TAFA5: variants seen among roughly 807,000 people sequenced by gnomAD.
TAFA5 encodes chemokine-like protein TAFA-5.
TAFA5 carries 6 observed loss-of-function variants against 15.3 expected under a neutral mutation model. The observed-to-expected ratio is 0.39, with a 90% CI of 0.21 to 0.77. The LOEUF is 0.77. TAFA5 is among the 30% of genes least tolerant of loss of function. The pLI, the probability that TAFA5 is intolerant of heterozygous loss-of-function variation, is 0.41. For synonymous variants in TAFA5, 103 were observed against 80.7 expected, an observed-to-expected ratio of 1.28 and a Z score of -1.48; for missense variants, 161 against 193.1, an observed-to-expected ratio of 0.83 and a Z score of 0.98.
intron 3 of TAFA5, among the ~76,000 whole-genome samples, chr22:48,717,037 C>T (rs1325340098): frequency 6.6e-6 from 1 of 152,190 alleles, no homozygotes; most frequent in Non-Finnish European, 1.5e-5. Context: ...CTCTCCAGAA[C>T]TGATGTCAGT....
At chr22:48,608,676 T>TA (rs1256012947) in intron 1 of TAFA5, among the ~76,000 whole-genome samples, 3 of 152,366 alleles carry the variant, frequency 2.0e-5, no homozygotes, top group South Asian at 4.1e-4. Flanking sequence ...GGGCTGTTTT[T>TA]ACCTGTGCGT....
chr22:48,744,750 CTTT>C (rs1445974196), intron 3 of TAFA5, among the ~76,000 whole-genome samples: 13 of 152,148 alleles, frequency 8.5e-5, no homozygotes, highest in Non-Finnish European at 1.9e-4. Flanking sequence ...GGGCGGGTTC[CTTT>C]TTTTCTTTTC....
chr22:48,608,535 G>A lies in TAFA5; in HGVS notation c.113-38062G>A, dbSNP rs146430057. ...AGGAAGTCATCTTAGTGACAGCTACGTCTATTTTTTCCCCAGACATGCTGC... is the reference window on the plus strand; with the variant it reads ...AGGAAGTCATCTTAGTGACAGCTACATCTATTTTTTCCCCAGACATGCTGC... On this transcript the variant is annotated intron_variant, in intron 1 of 3. Coordinates refer to ENST00000402357, the MANE Select transcript of TAFA5 (RefSeq NM_001082967.3). Among the ~76,000 whole-genome samples, 28 of 152,182 alleles carry A rather than the reference G, an allele frequency of 1.8e-4. 1 individual carries two copies. In the East Asian group the frequency reaches 4.8e-3, roughly 26 times the overall value.
At chr22:48,613,925 CGGTGG>C (rs1925502699) in intron 1 of TAFA5, among the ~76,000 whole-genome samples, 2 of 152,202 alleles carry the variant, frequency 1.3e-5, no homozygotes, top group African/African-American at 4.8e-5. Context: ...GGAGATTGGC[CGGTGG>C]CCCTCAGCCC....
chr22:48,559,086 A>T (rs1923138305), intron 1 of TAFA5, among the ~76,000 whole-genome samples: 1 of 152,154 alleles, frequency 6.6e-6, no homozygotes, highest in Non-Finnish European at 1.5e-5. Flanking sequence ...TCACTGCTAC[A>T]TGAGGGACAC....
chr22:48,609,043 G>A (rs966055399), intron 1 of TAFA5, among the ~76,000 whole-genome samples: 26 of 152,158 alleles, frequency 1.7e-4, no homozygotes, highest in South Asian at 2.1e-4. Flanking sequence ...TTGGGGGAGC[G>A]TCAGGAGGCC....
chr22:48,618,200 G>A (rs1166803756), intron 1 of TAFA5, among the ~76,000 whole-genome samples: 1 of 152,116 alleles, frequency 6.6e-6, no homozygotes, highest in East Asian at 1.9e-4. Context: ...GGTGGGAGTT[G>A]GGGCTCTGGA....
At chr22:48,536,905 G>T (rs12485083) in intron 1 of TAFA5, among the ~76,000 whole-genome samples, 1 of 152,142 alleles carries the variant, frequency 6.6e-6, no homozygotes. Context: ...CACTGGCTGG[G>T]CGATGGCAGC....
chr22:48,525,186 A>G (rs1423891089), intron 1 of TAFA5, among the ~76,000 whole-genome samples: 2 of 152,116 alleles, frequency 1.3e-5, no homozygotes, highest in East Asian at 3.9e-4. Context: ...TTTGCCATGT[A>G]GGGTGACCCG....
At chr22:48,722,806 C>G (rs1019435734) in intron 3 of TAFA5, among the ~76,000 whole-genome samples, 1 of 151,964 alleles carries the variant, frequency 6.6e-6, no homozygotes, top group Admixed American at 6.6e-5. Flanking sequence ...GGTGCTGTCT[C>G]CAATCAGCTG....
intron 3 of TAFA5, among the ~76,000 whole-genome samples, chr22:48,720,125 G>GC (rs1217356541): frequency 6.6e-6 from 1 of 152,206 alleles, no homozygotes; most frequent in African/African-American, 2.4e-5. Context: ...CAGAAGGGTG[G>GC]ACGGGGTCTG....
At chr22:48,570,768 T>A (rs1005891873) in intron 1 of TAFA5, among the ~76,000 whole-genome samples, 20 of 152,252 alleles carry the variant, frequency 1.3e-4, no homozygotes, top group African/African-American at 3.9e-4. Context: ...ATGTTGGTTT[T>A]AAAATTTGAA....
intron 2 of TAFA5, among the ~76,000 whole-genome samples, chr22:48,706,065 G>A (rs1929068764): frequency 6.6e-6 from 1 of 152,240 alleles, no homozygotes; most frequent in African/African-American, 2.4e-5. Flanking sequence ...GGGCCATGGG[G>A]GCCACTCTTG....
At chr22:48,584,811 GCA>G (rs1310570211) in intron 1 of TAFA5, among the ~76,000 whole-genome samples, 1 of 139,740 alleles carries the variant, frequency 7.2e-6, no homozygotes, top group African/African-American at 2.7e-5. Context: ...ACAAAATACA[GCA>G]CACACGCATA....
At chr22:48,693,930 C>G (rs1216169066) in intron 2 of TAFA5, among the ~76,000 whole-genome samples, 1 of 152,192 alleles carries the variant, frequency 6.6e-6, no homozygotes, top group African/African-American at 2.4e-5. Context: ...GTGGGGTCCC[C>G]TGCTCCAGAA....
chr22:48,683,278 C>T, intron 2 of TAFA5, among the ~76,000 whole-genome samples: 1 of 152,214 alleles, frequency 6.6e-6, no homozygotes, highest in East Asian at 1.9e-4. Context: ...TCTTCAAAGG[C>T]ATTACACACA....
At chr22:48,544,930 G>T (rs866983577) in intron 1 of TAFA5, 1 of 465,604 alleles carries the variant, frequency 2.1e-6, no homozygotes, top group Non-Finnish European at 4.5e-6. Flanking sequence ...AAGGCCCTAC[G>T]GGTGTGAAGG....
intron 1 of TAFA5, among the ~76,000 whole-genome samples, chr22:48,520,620 G>C (rs1397235485): frequency 6.6e-6 from 1 of 152,206 alleles, no homozygotes; most frequent in Non-Finnish European, 1.5e-5. Flanking sequence ...GTCCTAGACG[G>C]ATGTGAGGGA....
chr22:48,706,714 C>T (rs192521123), intron 2 of TAFA5, among the ~76,000 whole-genome samples: 1 of 152,326 alleles, frequency 6.6e-6, no homozygotes, highest in African/African-American at 2.4e-5. Context: ...AACTGGATGG[C>T]AACCCCTGTT....
Sources: allele counts gnomAD v4.1 joint callset (sites outside exome capture counted in the v4.1 genomes callset), GRCh38; gene constraint gnomAD v4.1.1; transcripts MANE v1.5; gene names NCBI Gene and HGNC (gene_info 2026-07-23, HGNC 2026-07-21).